SRSF10: variants seen among roughly 807,000 people sequenced by gnomAD.
The protein encoded by SRSF10 is serine and arginine rich splicing factor 10.
SRSF10 carries 9 observed loss-of-function variants against 32.6 expected under a neutral mutation model. The observed-to-expected ratio is 0.28, with a 90% CI of 0.17 to 0.48. The LOEUF (loss-of-function observed/expected upper bound fraction) is 0.48, where lower values mean the gene tolerates loss of function less well. SRSF10 is among the 20% of genes least tolerant of loss of function. The probability of loss-of-function intolerance (pLI) is 0.99; values close to 1 mark genes in which losing one functional copy is unlikely to be tolerated. For synonymous variants in SRSF10, 105 were observed against 112.4 expected (o/e 0.93, Z 0.42); for missense variants, 201 against 331.8 (o/e 0.61, Z 3.06).
At position 23,968,035 on chromosome 1, in the gene SRSF10, G is replaced by GATATAACCAT; in HGVS notation, c.*3097_*3106dup. 6.5e-7 allele frequency: 1 copy of GATATAACCAT among 1,527,868 alleles called. No homozygotes were observed. The highest frequency in any genetic ancestry group is 1.2e-5 in the South Asian group (1 of 82,710). 94.6% of individuals were successfully genotyped at this position (1,527,868 alleles called of 1,614,324 possible). On this transcript the variant is annotated 3_prime_UTR_variant, in exon 6 of 6. Transcript: ENST00000492112. ...GTGTGTCAGCCCTCATTTGAGTGTTGATATAACCATTCTATTTATCATTGA... is the reference window on the plus strand; with the variant it reads ...GTGTGTCAGCCCTCATTTGAGTGTTGATATAACCATATATAACCATTCTATTTATCATTGA...
chr1:23,974,039 T>G (rs1311935554), intron 3 of SRSF10, among the ~76,000 whole-genome samples: 2 of 151,256 alleles, frequency 1.3e-5, no homozygotes, highest in African/African-American at 4.9e-5. Flanking sequence ...TTGCCCAGTC[T>G]GGAGTGCAGT....
chr1:23,964,576 C>T lies in SRSF10; in HGVS notation c.*6566G>A, dbSNP rs1641364665. Among the ~76,000 whole-genome samples the T allele has an allele frequency of 6.6e-6, 1 of 151,948 alleles. No homozygotes were observed. The highest frequency in any genetic ancestry group is 2.4e-5 in the African/African-American group (1 of 41,420). ...TCCAGGTCCAAAACCTATCCTTAAG[C>T]TTAAAATAAATACTAATAAACTATC... On this transcript the variant is annotated 3_prime_UTR_variant, in exon 6 of 6. Coordinates refer to ENST00000492112, the MANE Select transcript of SRSF10 (RefSeq NM_054016.4).
chr1:23,974,919 AT>A, intron 3 of SRSF10, 54 bp downstream of exon 3: 3 of 1,308,696 alleles, frequency 2.3e-6, no homozygotes, highest in Non-Finnish European at 2.2e-6. Context: ...TTAAAAAAAA[AT>A]CTCAAAACAC....
rs893512103 is a variant in SRSF10 at position 23,974,964 on chromosome 1, G to A, written c.274+10C>T. The A allele has an allele frequency of 9.6e-5, 152 of 1,585,380 alleles. No homozygotes were observed. Among genetic ancestry groups the A allele is most frequent in the Admixed American group, 2.8e-4 (17 of 59,856 alleles). On this transcript the variant is annotated intron_variant, in intron 3 of 5. Transcript: ENST00000492112. Reference sequence around the variant, plus strand: ...AATGTTTCATACATATCAGGCATAAGGGTACTTACTCTTTCGATCCCCCTG... The same window carrying A: ...AATGTTTCATACATATCAGGCATAAAGGTACTTACTCTTTCGATCCCCCTG...
chr1:23,971,832 G>A lies in SRSF10; in HGVS notation c.437+18C>T. The A allele has an allele frequency of 1.3e-6, 2 of 1,593,694 alleles. No individual in the cohort carries two copies. Among genetic ancestry groups the A allele is most frequent in the African/African-American group, 1.4e-5 (1 of 73,452 alleles). ...ATACATTTTTTAAACAGATCACTGT[G>A]CTACACAGCACACTTACTTTCTAGG... On this transcript the variant is annotated intron_variant, in intron 4 of 5. Coordinates refer to ENST00000492112, the MANE Select transcript of SRSF10 (RefSeq NM_054016.4).
chr1:23,975,541 GCCTTA>G (rs760420587), intron 2 of SRSF10: 454 of 153,802 alleles, frequency 3.0e-3, no homozygotes, highest in Non-Finnish European at 4.7e-3. Context: ...AGCAGTATAT[GCCTTA>G]CCTTACAAGA....
In SRSF10 at chr1:23,965,984, A is replaced by C; in HGVS notation, c.*5158T>G. On this transcript the variant is annotated 3_prime_UTR_variant, in exon 6 of 6. Coordinates refer to ENST00000492112, the MANE Select transcript of SRSF10 (RefSeq NM_054016.4). ...ATGAGTGTATAACGGTATACAACAA[A>C]ATACTTTTTGTAATTAAATCTAGTC... 1 of 152,060 alleles carries C rather than the reference A, an allele frequency of 6.6e-6. No homozygotes were observed. The highest frequency in any genetic ancestry group is 1.5e-5 in the Non-Finnish European group (1 of 67,850). The allele number at this position is 152,060 out of a possible 1,614,324, so 9.4% of individuals were successfully genotyped here.
rs1641655381 is a variant in SRSF10 at position 23,970,119 on chromosome 1, C to T, written c.*1023G>A. 1 of 985,194 alleles carries T rather than the reference C, an allele frequency of 1.0e-6. No homozygotes were observed. Among genetic ancestry groups the T allele is most frequent in the African/African-American group, 1.7e-5 (1 of 57,210 alleles). 61.0% of individuals were successfully genotyped at this position (985,194 alleles called of 1,614,324 possible). On this transcript the variant is annotated 3_prime_UTR_variant, in exon 6 of 6. Transcript: ENST00000492112. ...CGCTCCTTAAACTTTAGAATAACTA[C>T]ATAAGAATATTCCTTTTTCCTTAAA...
chr1:23,975,980 T>TA (rs1642060842), intron 2 of SRSF10: 1 of 152,230 alleles, frequency 6.6e-6, no homozygotes, highest in Non-Finnish European at 1.5e-5. Flanking sequence ...GCAATAATAC[T>TA]ACGAGAACTG....
intron 2 of SRSF10, chr1:23,976,678 A>T (rs1642111528): frequency 6.6e-6 from 1 of 152,198 alleles, no homozygotes; most frequent in African/African-American, 2.4e-5. Context: ...TCCTGGGCTG[A>T]TGGCAAGTTT....
At chr1:23,975,605 A>G (rs1348331715) in intron 2 of SRSF10, 1 of 152,632 alleles carries the variant, frequency 6.6e-6, no homozygotes, top group Non-Finnish European at 1.5e-5. Flanking sequence ...TTTTTCATAT[A>G]TATCTAATAC....
At chr1:23,978,876 AAT>A in intron 1 of SRSF10, 59 bp from the exon 2 acceptor site, 1 of 1,408,782 alleles carries the variant, frequency 7.1e-7, no homozygotes, top group Non-Finnish European at 9.6e-7. Context: ...ATGTATAGGC[AAT>A]ATATCTTTTT....
At position 23,967,752 on chromosome 1, in the gene SRSF10, T is replaced by C. The variant is rs1641519890; in HGVS notation, c.*3390A>G. ...AAATAAAAGAAGGATGTTTGTCAGT[T>C]TGGTTTCCTTTATTCTTCTCTGTGG... On this transcript the variant is annotated 3_prime_UTR_variant, in exon 6 of 6. Transcript: ENST00000492112. The C allele has an allele frequency of 6.2e-7, 1 of 1,611,056 alleles. No individual in the cohort carries two copies. The highest frequency in any genetic ancestry group is 8.5e-7 in the Non-Finnish European group (1 of 1,177,984).
At chr1:23,980,031 G>A (rs1642365736) in intron 1 of SRSF10, among the ~76,000 whole-genome samples, 160 bp downstream of exon 1, 1 of 152,234 alleles carries the variant, frequency 6.6e-6, no homozygotes, top group East Asian at 1.9e-4. Flanking sequence ...CCACGCGGCG[G>A]CTGAGGCCCG....
At position 23,980,265 on chromosome 1, in the gene SRSF10, G is replaced by A; in HGVS notation, c.-10C>T. 2 of 1,484,694 alleles carry A rather than the reference G, an allele frequency of 1.3e-6. No individual in the cohort carries two copies. Among genetic ancestry groups the A allele is most frequent in the Non-Finnish European group, 1.8e-6 (2 of 1,114,324 alleles). The allele number at this position is 1,484,694 out of a possible 1,614,324, so 92.0% of individuals were successfully genotyped here. On this transcript the variant is annotated 5_prime_UTR_variant, in exon 1 of 6. The change creates a new upstream start codon in the 5' untranslated region. Transcript: ENST00000492112. ...GCAGGTAGCGGGACATGGCGGCGGC[G>A]TGTCTCGGCCGGGCGCACTAACGGG...
Position 23,968,735 on chromosome 1 carries a change from C to A in SRSF10, c.*2407G>T, listed in dbSNP as rs1333428900. On this transcript the variant is annotated 3_prime_UTR_variant, in exon 6 of 6. Coordinates refer to ENST00000492112, the MANE Select transcript of SRSF10 (RefSeq NM_054016.4). ...TCATAAACGTTAAGCCCTAATGCGT[C>A]TTGTTTATAAGAGGGAGAGCAGAAT... Among the ~76,000 whole-genome samples the A allele has an allele frequency of 6.6e-6, 1 of 152,134 alleles. No homozygotes were observed. Among genetic ancestry groups the A allele is most frequent in the East Asian group, 1.9e-4 (1 of 5,204 alleles).
Position 23,965,287 on chromosome 1 carries a change from A to G in SRSF10, c.*5855T>C, listed in dbSNP as rs1193041993. The G allele has an allele frequency of 6.6e-6, 1 of 152,034 alleles. No homozygotes were observed. The allele number at this position is 152,034 out of a possible 1,614,324, so 9.4% of individuals were successfully genotyped here. A position where few individuals can be genotyped will look rare whatever the true frequency, so the allele number is the denominator to read the frequency against. On this transcript the variant is annotated 3_prime_UTR_variant, in exon 6 of 6. Transcript: ENST00000492112. Reference sequence around the variant, plus strand: ...TCAAGTCACAGATACTTCAGAATATAATCTTAGGTTTTGTAAACAGGAACA... The same window carrying G: ...TCAAGTCACAGATACTTCAGAATATGATCTTAGGTTTTGTAAACAGGAACA...
chr1:23,977,933 T>G, intron 2 of SRSF10: 2 of 985,358 alleles, frequency 2.0e-6, no homozygotes, highest in Non-Finnish European at 2.4e-6. Context: ...TCCTTTAATC[T>G]TGGCCATCAT....
chr1:23,975,011 C>T lies in SRSF10; in HGVS notation c.237G>A (p.Arg79=). Residue 79 remains arginine, a synonymous_variant, in exon 3 of 6, where the codon CGG becomes CGA. Coordinates refer to ENST00000492112, the MANE Select transcript of SRSF10 (RefSeq NM_054016.4). The stretch of plus-strand genomic sequence containing the variant: ...CCTGGGCAAACTGTATTTCAATCTG[C>T]CGTCCACAAATCCACTTTCTGTCCA... ...HNLDRKWICG[R]QIEIQFAQGD... 1.2e-6 allele frequency: 2 copies of T among 1,613,918 alleles called. No individual in the cohort carries two copies. Among genetic ancestry groups the T allele is most frequent in the Non-Finnish European group, 1.7e-6 (2 of 1,179,818 alleles).
Sources: gnomAD v4.1 joint callset for allele counts (sites outside exome capture counted in the v4.1 genomes callset) on GRCh38, gnomAD v4.1.1 for gene constraint, MANE v1.5 for transcripts, NCBI Gene and HGNC (gene_info 2026-07-23, HGNC 2026-07-21) for gene names.